The following RELL1 variants were observed in gnomAD, a reference collection of about 807,000 sequenced individuals.
RELL1 encodes RELT like 1, also known as RELT-like protein 1.
In RELL1, 10 loss-of-function variants were observed where a neutral mutation model predicts 23.0. That is an observed-to-expected ratio of 0.43 (90% CI 0.27 to 0.74). The LOEUF (loss-of-function observed/expected upper bound fraction) is 0.74. Among genes scored for constraint, RELL1 ranks in the 30% least tolerant of loss-of-function variants. The probability of loss-of-function intolerance (pLI) is 0.19; values close to 1 mark genes in which losing one functional copy is unlikely to be tolerated. For missense variants in RELL1, 315 were observed against 364.4 expected (o/e 0.86, Z 1.10); for synonymous variants, 146 against 146.8 (o/e 0.99, Z 0.04).
chr4:37,590,568 T>G (rs1192332687), downstream of RELL1: 1 of 1,613,964 alleles, frequency 6.2e-7, no homozygotes, highest in Admixed American at 1.7e-5. Context: ...AGGCAGAAAG[T>G]TTTGCCTTGG....
intron 1 of RELL1, among the ~76,000 whole-genome samples, chr4:37,658,675 G>T (rs539234758): frequency 1.3e-5 from 2 of 152,300 alleles, no homozygotes; most frequent in Admixed American, 1.3e-4. Flanking sequence ...AACACGACTT[G>T]TAAGAGAGTG....
At chr4:37,586,791 T>C (rs1718359999), downstream of RELL1, among the ~76,000 whole-genome samples, 1 of 152,106 alleles carries the variant, frequency 6.6e-6, no homozygotes, top group African/African-American at 2.4e-5. Flanking sequence ...GCACCTGTAA[T>C]CCCAGCTACT....
At chr4:37,621,491 TAAAG>T (rs1355718740) in intron 6 of RELL1, among the ~76,000 whole-genome samples, 1 of 151,874 alleles carries the variant, frequency 6.6e-6, no homozygotes, top group Non-Finnish European at 1.5e-5. Context: ...AGGAAAAAAA[TAAAG>T]AAAAATAAAA....
chr4:37,605,842 A>AGAAG (rs747495384), downstream of RELL1, among the ~76,000 whole-genome samples: 19 of 117,468 alleles, frequency 1.6e-4, no homozygotes, highest in African/African-American at 4.9e-4. Flanking sequence ...AAAGAAAGAA[A>AGAAG]GAAGGAAAAG....
At chr4:37,608,120 G>A (rs924352214), downstream of RELL1, among the ~76,000 whole-genome samples, 7 of 152,000 alleles carry the variant, frequency 4.6e-5, no homozygotes, top group African/African-American at 1.2e-4. Context: ...CCAACTGCCC[G>A]ACCAACCAGC....
chr4:37,654,662 A>G (rs1034463218), intron 1 of RELL1, among the ~76,000 whole-genome samples: 4 of 152,218 alleles, frequency 2.6e-5, no homozygotes, highest in African/African-American at 9.6e-5. Flanking sequence ...ATTATTTATA[A>G]AAGTCAAAAA....
intron 1 of RELL1, among the ~76,000 whole-genome samples, chr4:37,675,589 A>G (rs1035333242): frequency 1.3e-5 from 2 of 152,240 alleles, no homozygotes; most frequent in Non-Finnish European, 2.9e-5. Context: ...ATTGCATGTA[A>G]CTGAGGGCTA....
intron 1 of RELL1, among the ~76,000 whole-genome samples, chr4:37,657,912 G>A (rs892585789): frequency 4.6e-4 from 70 of 152,078 alleles, no homozygotes; most frequent in African/African-American, 1.6e-3. Context: ...GACACAGCGA[G>A]ACCCTGTCAC....
chr4:37,605,865 A>G, downstream of RELL1, among the ~76,000 whole-genome samples: 1 of 149,382 alleles, frequency 6.7e-6, no homozygotes, highest in East Asian at 2.0e-4. Flanking sequence ...AAGAAAAGAA[A>G]GAGAAAGGAA....
chr4:37,683,954 G>A (rs905567147), intron 1 of RELL1, among the ~76,000 whole-genome samples: 3 of 151,896 alleles, frequency 2.0e-5, no homozygotes, highest in South Asian at 2.1e-4. Flanking sequence ...GGTGGCGGGC[G>A]CCTGTAGTCC....
intron 1 of RELL1, among the ~76,000 whole-genome samples, chr4:37,651,916 G>A (rs369007357): frequency 3.1e-4 from 47 of 152,144 alleles, no homozygotes; most frequent in African/African-American, 4.1e-4. Context: ...TCTTGGGTGC[G>A]CTACAAGAGC....
At chr4:37,649,556 T>C in intron 1 of RELL1, 56 bp from the exon 2 acceptor site, 1 of 1,468,338 alleles carries the variant, frequency 6.8e-7, no homozygotes, top group Non-Finnish European at 9.5e-7. Context: ...AAGAAAAACC[T>C]AATGACTCTC....
intron 3 of RELL1, among the ~76,000 whole-genome samples, chr4:37,646,325 G>A (rs1353237201): frequency 6.6e-6 from 1 of 152,190 alleles, no homozygotes; most frequent in East Asian, 1.9e-4. Flanking sequence ...ATTTCAGGGT[G>A]AAAAAATACT....
Position 37,686,313 on chromosome 4 carries a change from C to G in RELL1, c.-26G>C, listed in dbSNP as rs1449166012. ...CGCCGCGTCGCTTCGCCCTCCTCCCCCAGGGCGCCGCGTCCCGCGCTCGGG... is the reference window on the plus strand; with the variant it reads ...CGCCGCGTCGCTTCGCCCTCCTCCCGCAGGGCGCCGCGTCCCGCGCTCGGG... On this transcript the variant is annotated 5_prime_UTR_variant, in exon 1 of 7. Coordinates refer to ENST00000454158, the MANE Select transcript of RELL1 (RefSeq NM_001085400.2). 1 of 1,471,092 alleles carries G rather than the reference C, an allele frequency of 6.8e-7. No individual in the cohort carries two copies. Among genetic ancestry groups the G allele is most frequent in the Non-Finnish European group, 9.0e-7 (1 of 1,113,784 alleles). 91.1% of individuals were successfully genotyped at this position (1,471,092 alleles called of 1,614,324 possible).
intron 6 of RELL1, among the ~76,000 whole-genome samples, chr4:37,603,117 C>T (rs1417581502): frequency 6.6e-6 from 1 of 152,196 alleles, no homozygotes; most frequent in Non-Finnish European, 1.5e-5. Flanking sequence ...GTACTTTCTG[C>T]AACACCAGGG....
rs1560348801 is a variant in RELL1 at position 37,653,417 on chromosome 4, C to CCTCAATATTCAATACAAGTATTGAATA, written c.89-3944_89-3918dup. ...TCAATATTCAATACAAGTATTGAAA[C>CCTCAATATTCAATACAAGTATTGAATA]CTCAATATTCAATACAAGTATTGAA... On this transcript the variant is annotated intron_variant, in intron 1 of 6. Transcript: ENST00000454158. Among the ~76,000 whole-genome samples the CCTCAATATTCAATACAAGTATTGAATA allele has an allele frequency of 6.3e-4, 42 of 66,598 alleles. 13 individuals are homozygous for CCTCAATATTCAATACAAGTATTGAATA. The highest frequency in any genetic ancestry group is 2.3e-3 in the African/African-American group (42 of 18,408). 43.7% of individuals were successfully genotyped at this position (66,598 alleles called of 152,430 possible).
chr4:37,622,459 G>C (rs988558357), intron 6 of RELL1, among the ~76,000 whole-genome samples: 1 of 152,166 alleles, frequency 6.6e-6, no homozygotes, highest in South Asian at 2.1e-4. Flanking sequence ...AGACTTTTAG[G>C]CTGTTTAAAT....
At chr4:37,595,108 T>A (rs1344042193) in intron 6 of RELL1, among the ~76,000 whole-genome samples, 1 of 152,254 alleles carries the variant, frequency 6.6e-6, no homozygotes, top group Non-Finnish European at 1.5e-5. Context: ...TCCTCTATTT[T>A]GGAGTTGGTG....
chr4:37,672,746 C>A (rs991143748), intron 1 of RELL1, among the ~76,000 whole-genome samples: 5 of 152,026 alleles, frequency 3.3e-5, no homozygotes, highest in Admixed American at 2.6e-4. Flanking sequence ...TCCCCCAAAT[C>A]TATTTCATCA....
Sources: gnomAD v4.1 joint callset for allele counts (sites outside exome capture counted in the v4.1 genomes callset) on GRCh38, gnomAD v4.1.1 for gene constraint, MANE v1.5 for transcripts, NCBI Gene and HGNC (gene_info 2026-07-23, HGNC 2026-07-21) for gene names.